CAPS2: variants seen among roughly 807,000 people sequenced by gnomAD.
The protein encoded by CAPS2 is calcyphosin-2.
Under a neutral mutation model 86.5 loss-of-function variants are expected in CAPS2, and 98 were observed. That is an observed-to-expected ratio of 1.13 (90% CI 0.96 to 1.34). CAPS2 has a LOEUF of 1.34. Among genes scored for constraint, CAPS2 ranks in the 40% most tolerant of loss-of-function variants. CAPS2 has a pLI of 0.00. For synonymous variants in CAPS2, 210 were observed against 225.1 expected (o/e 0.93, Z 0.60); for missense variants, 729 against 686.8 (o/e 1.06, Z -0.69).
chr12:75,383,293 G>T (rs1354056079), intron 1 of CAPS2, among the ~76,000 whole-genome samples: 2 of 152,144 alleles, frequency 1.3e-5, no homozygotes, highest in Non-Finnish European at 2.9e-5. Flanking sequence ...AACCAAATGA[G>T]ATGCTTTTGT....
chr12:75,375,196 A>C (rs956737152), intron 1 of CAPS2, among the ~76,000 whole-genome samples: 5 of 152,144 alleles, frequency 3.3e-5, no homozygotes. Context: ...GTCTATGCCT[A>C]TTACGCATTC....
intron 5 of CAPS2, among the ~76,000 whole-genome samples, chr12:75,319,524 C>A (rs1311513898): frequency 1.3e-5 from 2 of 152,120 alleles, no homozygotes; most frequent in Non-Finnish European, 2.9e-5. Flanking sequence ...AACTTTCTAG[C>A]CAACAGACTC....
intron 8 of CAPS2, among the ~76,000 whole-genome samples, chr12:75,300,295 A>G (rs1164663212): frequency 5.9e-5 from 9 of 151,838 alleles, no homozygotes; most frequent in Admixed American, 5.9e-4. Flanking sequence ...GGTGGCTCAC[A>G]CCTGTAATCC....
chr12:75,345,171 C>T (rs760166008), intron 1 of CAPS2, among the ~76,000 whole-genome samples: 14 of 152,080 alleles, frequency 9.2e-5, no homozygotes, highest in African/African-American at 1.2e-4. Context: ...CTCAATCAGA[C>T]TCTCATAACT....
chr12:75,294,590 T>A (rs186888544), intron 11 of CAPS2, among the ~76,000 whole-genome samples: 48 of 152,272 alleles, frequency 3.2e-4, no homozygotes, highest in African/African-American at 1.1e-3. Flanking sequence ...CACAAAGATA[T>A]GAAAAGTTTG....
At chr12:75,327,053 T>A (rs776559926), upstream of CAPS2, among the ~76,000 whole-genome samples, 4 of 152,184 alleles carry the variant, frequency 2.6e-5, no homozygotes, top group African/African-American at 9.6e-5. Context: ...ACCTGCCCTG[T>A]TGACAGCTCG....
intron 8 of CAPS2, among the ~76,000 whole-genome samples, chr12:75,301,204 A>G (rs2037775759): frequency 6.6e-6 from 1 of 152,242 alleles, no homozygotes; most frequent in Non-Finnish European, 1.5e-5. Flanking sequence ...TATTCCTTCC[A>G]TAAAACTGCA....
intron 16 of CAPS2, among the ~76,000 whole-genome samples, chr12:75,280,460 C>T (rs1483139905): frequency 6.6e-6 from 1 of 151,432 alleles, no homozygotes; most frequent in African/African-American, 2.4e-5. Flanking sequence ...AAAGGCTTTC[C>T]CAACAACAAC....
chr12:75,282,369 T>C, intron 15 of CAPS2, 22 bp from the exon 16 acceptor site: 1 of 1,443,676 alleles, frequency 6.9e-7, no homozygotes. Context: ...AATATTATTA[T>C]TATTAGTTTG....
At chr12:75,330,965 T>A (rs1033089394), upstream of CAPS2, among the ~76,000 whole-genome samples, 1 of 152,044 alleles carries the variant, frequency 6.6e-6, no homozygotes, top group African/African-American at 2.4e-5. Context: ...TTTGTATCTT[T>A]ATATAGAGGG....
chr12:75,298,932 A>G (rs776676989), exon 10 of CAPS2: 2 of 1,608,862 alleles, frequency 1.2e-6, no homozygotes, highest in African/African-American at 1.3e-5. Flanking sequence ...GTGAAAAAGA[A>G]CCCAATGAGC....
chr12:75,282,678 C>A (rs1011437035), intron 15 of CAPS2, among the ~76,000 whole-genome samples: 3 of 152,082 alleles, frequency 2.0e-5, no homozygotes, highest in Non-Finnish European at 4.4e-5. Flanking sequence ...TGAGCCACCA[C>A]GTCCGGCCTG....
chr12:75,380,248 G>T (rs1220322369), intron 1 of CAPS2, among the ~76,000 whole-genome samples: 1 of 152,048 alleles, frequency 6.6e-6, no homozygotes. Context: ...ATTTTTGCAG[G>T]ATATGTGATC....
chr12:75,319,470 A>G (rs1423914037), intron 5 of CAPS2, among the ~76,000 whole-genome samples: 1 of 152,094 alleles, frequency 6.6e-6, no homozygotes, highest in Non-Finnish European at 1.5e-5. Context: ...ATCTTCCGTC[A>G]TAAGTAAAAG....
chr12:75,329,881 T>C (rs368188157), upstream of CAPS2: 24 of 1,544,348 alleles, frequency 1.6e-5, no homozygotes, highest in Non-Finnish European at 2.1e-5. Context: ...CTGGGATTCC[T>C]GGACAGGACA....
downstream of CAPS2, chr12:75,276,787 G>C: frequency 2.2e-6 from 2 of 892,254 alleles, no homozygotes; most frequent in Non-Finnish European, 2.7e-6. Flanking sequence ...CAAAGACATA[G>C]AGATCTATAA....
chr12:75,322,199 A>G (rs538504652), intron 4 of CAPS2, among the ~76,000 whole-genome samples: 85 of 152,288 alleles, frequency 5.6e-4, no homozygotes, highest in African/African-American at 1.9e-3. Flanking sequence ...TTTTCCCACT[A>G]TCTTTACAGT....
chr12:75,316,358 G>A, exon 6 of CAPS2: 3 of 1,551,030 alleles, frequency 1.9e-6, no homozygotes, highest in Non-Finnish European at 2.6e-6. Context: ...AGAGTTGTCT[G>A]CATAACCTTG....
exon 17 of CAPS2, chr12:75,277,831 C>A (rs1343600735): frequency 1.1e-6 from 1 of 901,776 alleles, no homozygotes; most frequent in Non-Finnish European, 1.3e-6. Flanking sequence ...ATAAAGTTGT[C>A]TCTTTTCTCT....
Sources: allele counts gnomAD v4.1 joint callset (sites outside exome capture counted in the v4.1 genomes callset), GRCh38; gene constraint gnomAD v4.1.1; transcripts MANE v1.5; gene names NCBI Gene and HGNC (gene_info 2026-07-23, HGNC 2026-07-21).